Variants in CTDSPL observed in about 807,000 individuals in gnomAD.
The protein encoded by CTDSPL is CTD small phosphatase like, also known as CTD small phosphatase-like protein.
Under a neutral mutation model 30.5 loss-of-function variants are expected in CTDSPL, and 8 were observed. The observed-to-expected ratio is 0.26, with a 90% CI of 0.15 to 0.47. CTDSPL has a LOEUF of 0.47. CTDSPL is among the 20% of genes least tolerant of loss of function. The pLI is 0.99. For missense variants in CTDSPL, 248 were observed against 366.1 expected (o/e 0.68, Z 2.63); for synonymous variants, 110 against 137.9 (o/e 0.80, Z 1.42).
intron 3 of CTDSPL, among the ~76,000 whole-genome samples, chr3:37,960,535 T>TATATACACACAC (rs1327299412): frequency 3.7e-4 from 6 of 16,290 alleles, no homozygotes; most frequent in South Asian, 3.2e-3. Context: ...TATATATATA[T>TATATACACACAC]ACACACACAC....
At chr3:37,877,893 G>A (rs1314270988) in intron 1 of CTDSPL, among the ~76,000 whole-genome samples, 1 of 152,026 alleles carries the variant, frequency 6.6e-6, no homozygotes, top group African/African-American at 2.4e-5. Flanking sequence ...CATGGGGAGG[G>A]CACCATTCAT....
intron 1 of CTDSPL, among the ~76,000 whole-genome samples, chr3:37,919,903 G>A (rs1394827470): frequency 6.6e-6 from 1 of 152,164 alleles, no homozygotes. Flanking sequence ...AAGGTCAGGA[G>A]CCCAGAGAGC....
intron 1 of CTDSPL, among the ~76,000 whole-genome samples, chr3:37,906,743 G>C (rs772412394): frequency 2.8e-4 from 43 of 152,186 alleles, no homozygotes; most frequent in Non-Finnish European, 4.4e-4. Flanking sequence ...GCCCACTCTA[G>C]TAGTGGGGAG....
Position 37,905,798 on chromosome 3 carries a change from G to A in CTDSPL, c.80-41259G>A, listed in dbSNP as rs9813734. Among the ~76,000 whole-genome samples the A allele has an allele frequency of 2.0e-3, 303 of 152,348 alleles. 1 individual carries two copies. Among genetic ancestry groups the A allele is most frequent in the African/African-American group, 6.9e-3 (288 of 41,568 alleles). On this transcript the variant is annotated intron_variant, in intron 1 of 7. Coordinates refer to ENST00000273179, the MANE Select transcript of CTDSPL (RefSeq NM_001008392.2). ...GCTTTGGGAACTGTACCATGGAGAA[G>A]TAGCTTTGGAATACACCATTTATAA... is the stretch of plus-strand genomic sequence containing the variant.
intron 7 of CTDSPL, among the ~76,000 whole-genome samples, chr3:37,977,420 A>G (rs1179067464): frequency 6.6e-6 from 1 of 151,912 alleles, no homozygotes; most frequent in African/African-American, 2.4e-5. Context: ...TATGCCATTT[A>G]TTTGTTGAAG....
At chr3:37,910,199 G>T (rs1311522064) in intron 1 of CTDSPL, among the ~76,000 whole-genome samples, 1 of 152,140 alleles carries the variant, frequency 6.6e-6, no homozygotes, top group Admixed American at 6.5e-5. Context: ...GAATATTTTG[G>T]CCTGGCGCAG....
chr3:37,882,164 T>C (rs1267093539), intron 1 of CTDSPL, among the ~76,000 whole-genome samples: 1 of 151,782 alleles, frequency 6.6e-6, no homozygotes, highest in Non-Finnish European at 1.5e-5. Context: ...AAATATTGGC[T>C]GGGCACGGTG....
chr3:37,863,833 A>C (rs1697974779), intron 1 of CTDSPL, among the ~76,000 whole-genome samples: 1 of 152,208 alleles, frequency 6.6e-6, no homozygotes, highest in Non-Finnish European at 1.5e-5. Context: ...AGTTTCGTAG[A>C]CCACAAACAT....
chr3:37,941,713 T>C (rs1355315048), intron 1 of CTDSPL, among the ~76,000 whole-genome samples: 2 of 150,208 alleles, frequency 1.3e-5, no homozygotes, highest in African/African-American at 2.4e-5. Context: ...TTGACAGGGA[T>C]AAGGAGGAGA....
At chr3:37,940,015 C>T (rs1035059816) in intron 1 of CTDSPL, among the ~76,000 whole-genome samples, 1 of 149,904 alleles carries the variant, frequency 6.7e-6, no homozygotes, top group African/African-American at 2.4e-5. Context: ...TCACTTGAAC[C>T]CGGGAGGCAG....
intron 1 of CTDSPL, among the ~76,000 whole-genome samples, chr3:37,928,576 G>A (rs1027806819): frequency 6.6e-6 from 1 of 152,024 alleles, no homozygotes; most frequent in African/African-American, 2.4e-5. Context: ...TATTTTTTCT[G>A]TACTTCAGTG....
intron 5 of CTDSPL, 72 bp downstream of exon 5, chr3:37,967,954 T>A: frequency 9.9e-7 from 1 of 1,006,156 alleles, no homozygotes; most frequent in Non-Finnish European, 1.5e-6. Flanking sequence ...GAACTTTATT[T>A]CTAAATTCTC....
chr3:37,946,101 T>A (rs6550512), intron 1 of CTDSPL, among the ~76,000 whole-genome samples: 36,235 of 152,224 alleles, frequency 0.24, 5,981 homozygotes, highest in African/African-American at 0.47. Flanking sequence ...CTCTTCTCAG[T>A]GCACCACTGA....
intron 4 of CTDSPL, among the ~76,000 whole-genome samples, chr3:37,966,942 A>T (rs549047265): frequency 1.3e-5 from 2 of 152,136 alleles, no homozygotes; most frequent in South Asian, 4.1e-4. Context: ...GTAGTTTTGT[A>T]CCTAATTTGT....
chr3:37,908,642 C>T (rs774500653), intron 1 of CTDSPL, among the ~76,000 whole-genome samples: 8 of 152,100 alleles, frequency 5.3e-5, no homozygotes, highest in Admixed American at 1.3e-4. Context: ...TAATCCCTGA[C>T]GATAGACAGG....
intron 1 of CTDSPL, among the ~76,000 whole-genome samples, chr3:37,899,258 A>C (rs1266898351): frequency 2.0e-5 from 3 of 152,164 alleles, no homozygotes; most frequent in African/African-American, 7.2e-5. Flanking sequence ...CTAGGGAGAG[A>C]GACTAAACAT....
At chr3:37,928,318 G>A (rs1698809037) in intron 1 of CTDSPL, among the ~76,000 whole-genome samples, 1 of 152,222 alleles carries the variant, frequency 6.6e-6, no homozygotes, top group Non-Finnish European at 1.5e-5. Flanking sequence ...GTTTTCCACA[G>A]CAGCTATACC....
intron 1 of CTDSPL, among the ~76,000 whole-genome samples, chr3:37,909,609 A>C (rs1698557591): frequency 6.6e-6 from 1 of 152,218 alleles, no homozygotes; most frequent in Non-Finnish European, 1.5e-5. Flanking sequence ...TGTTTTTCCC[A>C]GTGTGGTGAT....
At chr3:37,871,858 T>G (rs1698074692) in intron 1 of CTDSPL, among the ~76,000 whole-genome samples, 1 of 152,216 alleles carries the variant, frequency 6.6e-6, no homozygotes, top group Non-Finnish European at 1.5e-5. Flanking sequence ...TGTTCTGTCT[T>G]CAAATTTGTT....
Sources: gnomAD v4.1 joint callset for allele counts (sites outside exome capture counted in the v4.1 genomes callset) on GRCh38, gnomAD v4.1.1 for gene constraint, MANE v1.5 for transcripts, NCBI Gene and HGNC (gene_info 2026-07-23, HGNC 2026-07-21) for gene names.